Variants in RGS7 observed in about 807,000 individuals in gnomAD.
RGS7 encodes regulator of G-protein signaling 7.
A neutral mutation model predicts 81.1 loss-of-function variants in RGS7; 27 were observed. That is an observed-to-expected ratio of 0.33 (90% CI 0.25 to 0.46). The LOEUF (loss-of-function observed/expected upper bound fraction) is 0.46, where lower values mean the gene tolerates loss of function less well. Among genes scored for constraint, RGS7 ranks in the 20% least tolerant of loss-of-function variants. The pLI is 1.00. For synonymous variants in RGS7, 208 were observed against 207.7 expected, an observed-to-expected ratio of 1.00 and a Z score of -0.01; for missense variants, 396 against 607.4, an observed-to-expected ratio of 0.65 and a Z score of 3.66.
intron 2 of RGS7, 68 bp downstream of exon 2, chr1:241,355,631 C>G (rs1404635317): frequency 7.2e-7 from 1 of 1,379,398 alleles, no homozygotes; most frequent in Non-Finnish European, 1.0e-6. Context: ...ATACTCTGAT[C>G]TAGAGGGGGA....
At chr1:241,189,859 T>G (rs2072461519) in intron 2 of RGS7, among the ~76,000 whole-genome samples, 1 of 152,162 alleles carries the variant, frequency 6.6e-6, no homozygotes, top group African/African-American at 2.4e-5. Context: ...CTCACGTCTG[T>G]AATCCCAGCA....
chr1:241,000,583 T>C (rs2148626714), intron 3 of RGS7, among the ~76,000 whole-genome samples: 1 of 152,300 alleles, frequency 6.6e-6, no homozygotes, highest in South Asian at 2.1e-4. Context: ...AGAACTGTAC[T>C]GTTCAATATG....
intron 10 of RGS7, among the ~76,000 whole-genome samples, chr1:240,819,467 G>A (rs146161613): frequency 4.1e-4 from 62 of 152,326 alleles, no homozygotes; most frequent in African/African-American, 1.0e-3. Flanking sequence ...GAGGCCGGGC[G>A]TGGTGGCTCA....
At chr1:241,282,778 G>T (rs1374803804) in intron 2 of RGS7, among the ~76,000 whole-genome samples, 1 of 152,082 alleles carries the variant, frequency 6.6e-6, no homozygotes. Flanking sequence ...TCATAAATGG[G>T]TGTTAAATTT....
At chr1:240,814,343 T>C (rs922020593) in intron 12 of RGS7, among the ~76,000 whole-genome samples, 3 of 152,200 alleles carry the variant, frequency 2.0e-5, no homozygotes, top group African/African-American at 7.2e-5. Flanking sequence ...CAGTGTCAAT[T>C]GTCATTGTTA....
intron 3 of RGS7, among the ~76,000 whole-genome samples, chr1:241,008,336 C>T (rs2058781183): frequency 6.6e-6 from 1 of 152,168 alleles, no homozygotes. Context: ...ATTACCTAGA[C>T]ATGAACTTCT....
intron 6 of RGS7, among the ~76,000 whole-genome samples, chr1:240,907,537 G>T (rs190099524): frequency 1.1e-3 from 173 of 151,698 alleles, no homozygotes; most frequent in African/African-American, 4.0e-3. Flanking sequence ...TTTCATGAAA[G>T]AATTTTTTTT....
At chr1:241,272,729 G>A (rs1194558734) in intron 2 of RGS7, among the ~76,000 whole-genome samples, 2 of 151,992 alleles carry the variant, frequency 1.3e-5, no homozygotes, top group African/African-American at 4.8e-5. Flanking sequence ...GTCTCAAGTA[G>A]CCTTTTTCAT....
rs78388687 is a variant in RGS7, at chr1:241,084,444, T to C, written c.175+14222A>G. On this transcript the variant is annotated intron_variant, in intron 3 of 18. Transcript: ENST00000440928. ...TATAACAGGTCCTATGTCTATGCAA[T>C]TGAAGTCAACATGTCACTAATTAGG... is the stretch of plus-strand genomic sequence containing the variant. 4.6e-5 allele frequency among the ~76,000 whole-genome samples: 7 copies of C among 152,302 alleles called. No individual in the cohort carries two copies. The East Asian group carries it at 5.8e-4, about 13-fold the overall frequency.
chr1:240,921,459 G>A (rs1673529263), intron 6 of RGS7, among the ~76,000 whole-genome samples: 2 of 152,004 alleles, frequency 1.3e-5, no homozygotes, highest in Non-Finnish European at 2.9e-5. Context: ...GAAAAAAAGG[G>A]TATATAGTTT....
rs543080448 is a variant in RGS7 at position 241,015,147 on chromosome 1, T to A, written c.176-32018A>T. Among the ~76,000 whole-genome samples the A allele has an allele frequency of 3.3e-5, 5 of 152,326 alleles. No homozygotes were observed. In the East Asian group the frequency reaches 9.6e-4, roughly 29 times the overall value. On this transcript the variant is annotated intron_variant, in intron 3 of 18. Transcript: ENST00000440928. ...TGCACAGTTTCAAAAAGCTTTAGTT[T>A]TCATCTCCAGGCTGTCAAAGAAAGT...
intron 3 of RGS7, among the ~76,000 whole-genome samples, chr1:241,022,010 G>A (rs2059560224): frequency 1.3e-5 from 2 of 152,278 alleles, no homozygotes; most frequent in South Asian, 4.1e-4. Flanking sequence ...TGCATGTTTA[G>A]CTGTGCGGTT....
chr1:241,022,296 A>C (rs561949419), intron 3 of RGS7, among the ~76,000 whole-genome samples: 11 of 152,188 alleles, frequency 7.2e-5, no homozygotes, highest in Non-Finnish European at 1.5e-4. Context: ...CTGGGTGTAG[A>C]GTGAACTAAC....
chr1:241,016,887 C>A (rs1489309206), intron 3 of RGS7, among the ~76,000 whole-genome samples: 1 of 152,116 alleles, frequency 6.6e-6, no homozygotes, highest in Non-Finnish European at 1.5e-5. Flanking sequence ...CTACTCATTG[C>A]ATTTGTTGTG....
In RGS7 at chr1:240,933,038, A is replaced by T. The variant is rs576763598; in HGVS notation, c.334-2270T>A. 5.5e-4 allele frequency among the ~76,000 whole-genome samples: 81 copies of T among 146,668 alleles called. 1 individual carries two copies. Among genetic ancestry groups the T allele is most frequent in the Admixed American group, 1.3e-3 (19 of 14,702 alleles). ...AGCTGGGACTACAGGCGCCCGCACC[A>T]CGCCCGGCTAATTTTTTGTATTTTC... is the stretch of plus-strand genomic sequence containing the variant. On this transcript the variant is annotated intron_variant, in intron 5 of 18. Transcript: ENST00000440928.
At position 240,795,208 on chromosome 1, in the gene RGS7, C is replaced by A. The variant is rs1192179066; in HGVS notation, c.*6+5433G>T. Among the ~76,000 whole-genome samples the A allele has an allele frequency of 2.5e-5, 3 of 118,218 alleles. No homozygotes were observed. In the East Asian group the frequency reaches 7.2e-4, roughly 28 times the overall value. 77.6% of individuals were successfully genotyped at this position (118,218 alleles called of 152,430 possible). On this transcript the variant is annotated intron_variant, in intron 18 of 18. Coordinates refer to ENST00000440928, the MANE Select transcript of RGS7 (RefSeq NM_001364886.1). ...TCAAACAAACAAATAAACAAAAAAA[C>A]CCACCACCACCAACAAAAATCAAAC... is the stretch of plus-strand genomic sequence containing the variant.
intron 2 of RGS7, among the ~76,000 whole-genome samples, chr1:241,318,341 A>T (rs759580601): frequency 6.6e-6 from 1 of 152,236 alleles, no homozygotes; most frequent in Non-Finnish European, 1.5e-5. Flanking sequence ...GACATCAAAG[A>T]GCTCTCCACT....
intron 6 of RGS7, among the ~76,000 whole-genome samples, chr1:240,903,908 C>A (rs1395264120): frequency 3.3e-5 from 5 of 152,210 alleles, no homozygotes; most frequent in Admixed American, 3.3e-4. Flanking sequence ...GAGGAAGCAG[C>A]CTGAGGGCCT....
At chr1:241,183,984 A>G (rs1275991101) in intron 2 of RGS7, among the ~76,000 whole-genome samples, 1 of 152,200 alleles carries the variant, frequency 6.6e-6, no homozygotes, top group African/African-American at 2.4e-5. Flanking sequence ...ACAGAACAGG[A>G]GTCGATGGGA....
Sources: gnomAD v4.1 joint callset for allele counts (sites outside exome capture counted in the v4.1 genomes callset) on GRCh38, gnomAD v4.1.1 for gene constraint, MANE v1.5 for transcripts, NCBI Gene and HGNC (gene_info 2026-07-23, HGNC 2026-07-21) for gene names.